Variants in DNASE1 observed in about 807,000 individuals in gnomAD.
The protein encoded by DNASE1 is deoxyribonuclease 1, also known as deoxyribonuclease-1.
DNASE1 carries 40 observed loss-of-function variants against 33.9 expected under a neutral mutation model. The observed-to-expected ratio is 1.18, with a 90% confidence interval of 0.92 to 1.54. DNASE1 has a LOEUF of 1.54. DNASE1 is among the 40% of genes most tolerant of loss of function. The probability of loss-of-function intolerance (pLI) is 0.00; values close to 1 mark genes in which losing one functional copy is unlikely to be tolerated. For missense variants in DNASE1, 518 were observed against 372.6 expected (o/e 1.39, Z -3.21); for synonymous variants, 216 against 160.0 (o/e 1.35, Z -2.64).
chr16:3,663,587 A>T (rs746558191), exon 10 of DNASE1: 1 of 1,612,770 alleles, frequency 6.2e-7, no homozygotes. Flanking sequence ...GAGCAGCTCC[A>T]TCAGACCCCG....
intron 1 of DNASE1, among the ~76,000 whole-genome samples, chr16:3,647,399 G>C (rs2042206377): frequency 1.3e-5 from 2 of 151,418 alleles, no homozygotes; most frequent in African/African-American, 4.9e-5. Context: ...TCAGCCTCCT[G>C]AGTAGCTGGG....
intron 1 of DNASE1, among the ~76,000 whole-genome samples, chr16:3,630,722 G>C (rs963860324): frequency 1.3e-5 from 2 of 151,674 alleles, no homozygotes; most frequent in African/African-American, 4.8e-5. Flanking sequence ...TTGTGTCTTT[G>C]GATCTAAAGT....
chr16:3,613,132 C>G (rs1312883722), intron 1 of DNASE1, among the ~76,000 whole-genome samples: 1 of 152,154 alleles, frequency 6.6e-6, no homozygotes, highest in East Asian at 1.9e-4. Context: ...CGTAGTCACT[C>G]CGCAATTCCC....
intron 1 of DNASE1, among the ~76,000 whole-genome samples, chr16:3,647,861 T>A (rs967216675): frequency 1.3e-5 from 2 of 150,754 alleles, no homozygotes; most frequent in Admixed American, 1.3e-4. Flanking sequence ...AAAGAACAAT[T>A]TTTTTTTTTA....
intron 1 of DNASE1, among the ~76,000 whole-genome samples, chr16:3,617,825 C>G (rs1298880344): frequency 6.6e-6 from 1 of 151,928 alleles, no homozygotes; most frequent in Admixed American, 6.6e-5. Flanking sequence ...AGAGAGAAAC[C>G]CCCTACCCTT....
exon 10 of DNASE1, chr16:3,664,886 A>T (rs2050793130): frequency 6.0e-6 from 1 of 165,494 alleles, no homozygotes; most frequent in African/African-American, 2.4e-5. Context: ...GGCTTTGCCC[A>T]GTGGGTTTCA....
At chr16:3,619,669 G>A (rs2041237080) in intron 1 of DNASE1, among the ~76,000 whole-genome samples, 1 of 151,368 alleles carries the variant, frequency 6.6e-6, no homozygotes. Flanking sequence ...CCGCCTGTAG[G>A]TAATTAAAAA....
At chr16:3,663,990 G>T in exon 10 of DNASE1, 1 of 369,186 alleles carries the variant, frequency 2.7e-6, no homozygotes, top group African/African-American at 2.1e-5. Context: ...CTGAACCCAG[G>T]AGGCGGAAGT....
upstream of DNASE1, chr16:3,640,753 C>G: frequency 2.5e-6 from 1 of 398,634 alleles, no homozygotes; most frequent in Non-Finnish European, 4.4e-6. Flanking sequence ...ATGGCAAAAG[C>G]TTGCTGAGTG....
At chr16:3,624,862 ATTTTATT>A (rs912254997) in intron 1 of DNASE1, among the ~76,000 whole-genome samples, 1 of 151,682 alleles carries the variant, frequency 6.6e-6, no homozygotes, top group Non-Finnish European at 1.5e-5. Flanking sequence ...CTAATTTTTT[ATTTTATT>A]TTTTATTTTT....
chr16:3,656,980 G>T lies in DNASE1; in HGVS notation c.437-19G>T, dbSNP rs370269299. 58 of 1,611,624 alleles carry T rather than the reference G, an allele frequency of 3.6e-5. No homozygotes were observed. Among genetic ancestry groups the T allele is most frequent in the Non-Finnish European group, 4.6e-5 (54 of 1,179,230 alleles). On this transcript the variant is annotated intron_variant, in intron 5 of 8. Transcript: ENST00000246949. ...TGCCCCCAGGGAGTGTGCCTCACAC[G>T]ACGTGGCTGTCTCCACAGAGGTCAG... is the stretch of plus-strand genomic sequence containing the variant.
chr16:3,621,985 C>G (rs1191358558), intron 1 of DNASE1, among the ~76,000 whole-genome samples: 3 of 152,106 alleles, frequency 2.0e-5, no homozygotes, highest in Non-Finnish European at 4.4e-5. Flanking sequence ...CTTTGGGAGA[C>G]CGAGGCAGGT....
intron 1 of DNASE1, among the ~76,000 whole-genome samples, chr16:3,634,527 C>T (rs754254688): frequency 2.0e-5 from 3 of 152,048 alleles, no homozygotes; most frequent in East Asian, 1.9e-4. Flanking sequence ...TGTGCCTGGC[C>T]GAGACAGGGT....
At chr16:3,659,917 T>C (rs997895857), downstream of DNASE1, 2 of 151,984 alleles carry the variant, frequency 1.3e-5, no homozygotes, top group Admixed American at 1.3e-4. Flanking sequence ...CCCCAGCTAG[T>C]TTTTGTATTT....
chr16:3,663,275 G>A, exon 10 of DNASE1: 1 of 1,036,344 alleles, frequency 9.6e-7, no homozygotes, highest in Non-Finnish European at 1.4e-6. Flanking sequence ...CCTTCCTCCA[G>A]TCACCAGGGT....
chr16:3,663,797 A>G, exon 10 of DNASE1: 1 of 550,680 alleles, frequency 1.8e-6, no homozygotes, highest in South Asian at 2.2e-5. Context: ...CATGTGGCTG[A>G]GTGCAGTGGC....
chr16:3,627,062 G>C (rs900294712), intron 1 of DNASE1, among the ~76,000 whole-genome samples: 1 of 149,654 alleles, frequency 6.7e-6, no homozygotes, highest in East Asian at 2.0e-4. Context: ...TTTTGGTAGA[G>C]ACAGGGTCTC....
exon 10 of DNASE1, chr16:3,664,735 A>AC: frequency 2.5e-6 from 1 of 399,448 alleles, no homozygotes; most frequent in Non-Finnish European, 4.5e-6. Flanking sequence ...CTGGGAGGGG[A>AC]CCCCACCCAA....
rs956690578 is a variant in DNASE1 at position 3,654,778 on chromosome 16, T to A, written c.-268T>A. The A allele has an allele frequency of 3.2e-5, 13 of 400,272 alleles. No homozygotes were observed. The East Asian group carries it at 4.6e-4, about 14-fold the overall frequency. 24.8% of individuals were successfully genotyped at this position (400,272 alleles called of 1,614,324 possible). A position where few individuals can be genotyped will look rare whatever the true frequency, so the allele number is the denominator to read the frequency against. On this transcript the variant is annotated 5_prime_UTR_variant, in exon 1 of 9. Transcript: ENST00000246949. The stretch of plus-strand genomic sequence containing the variant: ...TATGCGGAAAGCCACACAGAGCCAT[T>A]GTTTTCTGCACTCTCAGGTGACGGC...
Sources: gnomAD v4.1 joint callset for allele counts (sites outside exome capture counted in the v4.1 genomes callset) on GRCh38, gnomAD v4.1.1 for gene constraint, MANE v1.5 for transcripts, NCBI Gene and HGNC (gene_info 2026-07-23, HGNC 2026-07-21) for gene names.